The following SFI1 variants were observed in gnomAD, a reference collection of about 807,000 sequenced individuals.
SFI1 encodes the protein SFI1 centrin binding protein, also known as protein SFI1 homolog.
In SFI1, 195 loss-of-function variants were observed where a neutral mutation model predicts 207.5. That is an observed-to-expected ratio of 0.94 (90% CI 0.84 to 1.06). The LOEUF (loss-of-function observed/expected upper bound fraction) is 1.06, where lower values mean the gene tolerates loss of function less well. Among genes scored for constraint, SFI1 ranks in the 50% least tolerant of loss-of-function variants. The pLI is 0.00. For synonymous variants in SFI1, 630 were observed against 598.9 expected, an observed-to-expected ratio of 1.05 and a Z score of -0.76; for missense variants, 1,634 against 1,588.0, an observed-to-expected ratio of 1.03 and a Z score of -0.49.
rs2054991217 is a variant in SFI1, at chr22:31,508,467, AGT to A, written c.92+93_92+94del. The A allele has an allele frequency of 3.2e-6, 3 of 932,452 alleles. No individual in the cohort carries two copies. In the South Asian group the frequency reaches 4.8e-5, roughly 15 times the overall value. The allele number at this position is 932,452 out of a possible 1,614,324, so 57.8% of individuals were successfully genotyped here. A position where few individuals can be genotyped will look rare whatever the true frequency, so the allele number is the denominator to read the frequency against. ...GTGTATGAAAAAATTATAAATTATG[AGT>A]GAGGTAGTAACTGTGGGTAAGTTTT... is the stretch of plus-strand genomic sequence containing the variant. On this transcript the variant is annotated intron_variant, in intron 2 of 32. Coordinates refer to ENST00000400288, the MANE Select transcript of SFI1 (RefSeq NM_001007467.3).
At chr22:31,556,095 A>G (rs1479106114) in intron 6 of SFI1, among the ~76,000 whole-genome samples, 2 of 152,150 alleles carry the variant, frequency 1.3e-5, no homozygotes, top group Admixed American at 6.6e-5. Context: ...TATCTAGTAA[A>G]TTATCTTTTC....
intron 1 of SFI1, among the ~76,000 whole-genome samples, chr22:31,504,681 A>G (rs982295463): frequency 6.6e-6 from 1 of 152,168 alleles, no homozygotes; most frequent in Non-Finnish European, 1.5e-5. Flanking sequence ...TCAAGGTGTC[A>G]TCCTCTCCCT....
At chr22:31,536,333 G>T (rs544739083) in intron 4 of SFI1, among the ~76,000 whole-genome samples, 10 of 152,176 alleles carry the variant, frequency 6.6e-5, no homozygotes, top group Non-Finnish European at 1.0e-4. Context: ...CTGTTGTTAG[G>T]TTCCTCAGAT....
At chr22:31,503,054 CAAA>C (rs58386828) in intron 1 of SFI1, among the ~76,000 whole-genome samples, 2 of 103,132 alleles carry the variant, frequency 1.9e-5, no homozygotes, top group Admixed American at 1.2e-4. Context: ...GACTCTGTCT[CAAA>C]AAAAAAAAAA....
chr22:31,594,671 C>T (rs1371271397), intron 15 of SFI1, among the ~76,000 whole-genome samples: 4 of 150,952 alleles, frequency 2.6e-5, no homozygotes, highest in Admixed American at 6.6e-5. Flanking sequence ...CTGGCTAACA[C>T]GGAGAAACCC....
chr22:31,584,358 A>T (rs1164899062), intron 13 of SFI1, among the ~76,000 whole-genome samples: 1 of 152,222 alleles, frequency 6.6e-6, no homozygotes, highest in East Asian at 1.9e-4. Flanking sequence ...AGAGCTAGTC[A>T]TTCAGTTAAA....
Position 31,546,888 on chromosome 22 carries a change from G to C in SFI1, c.366G>C (p.Arg122=), listed in dbSNP as rs1057089333. 6.2e-7 allele frequency: 1 copy of C among 1,611,792 alleles called. No individual in the cohort carries two copies. Among genetic ancestry groups the C allele is most frequent in the Non-Finnish European group, 8.5e-7 (1 of 1,178,996 alleles). ...TTTACTATGAGCAGCGATTACTACG[G>C]AAGGTCTTCGAAGAATGGAAAGAGG... The part of the protein sequence containing the change: ...ARFYYEQRLL[R]KVFEEWKEEW... The change falls in exon 5 of 33, where the codon CGG becomes CGC. Residue 122 remains arginine (R), a synonymous_variant. Coordinates refer to ENST00000400288, the MANE Select transcript of SFI1 (RefSeq NM_001007467.3).
At chr22:31,524,019 T>G (rs2057596964) in intron 2 of SFI1, among the ~76,000 whole-genome samples, 1 of 150,050 alleles carries the variant, frequency 6.7e-6, no homozygotes, top group Admixed American at 6.7e-5. Context: ...CTGGCCAATA[T>G]GGTGAAACCC....
intron 5 of SFI1, among the ~76,000 whole-genome samples, chr22:31,548,132 A>G (rs926512322): frequency 6.6e-6 from 1 of 151,604 alleles, no homozygotes; most frequent in African/African-American, 2.4e-5. Flanking sequence ...AGGCAGGAGA[A>G]TGGCGTGAAC....
chr22:31,563,151 C>G (rs1431420064), intron 8 of SFI1, among the ~76,000 whole-genome samples: 2 of 151,774 alleles, frequency 1.3e-5, no homozygotes, highest in Non-Finnish European at 2.9e-5. Flanking sequence ...TGCCGCCACG[C>G]CTGGCTAATT....
At chr22:31,614,973 C>G (rs1569469450) in intron 28 of SFI1, 75 bp from the exon 29 acceptor site, 1 of 1,574,642 alleles carries the variant, frequency 6.4e-7, no homozygotes. Context: ...GTGGGTGGCC[C>G]CCTTTCCTTC....
At chr22:31,600,056 C>T (rs950873534) in intron 15 of SFI1, among the ~76,000 whole-genome samples, 3 of 151,528 alleles carry the variant, frequency 2.0e-5, no homozygotes, top group South Asian at 2.1e-4. Flanking sequence ...TTATGTCTAA[C>T]GATTGATTGA....
intron 22 of SFI1, among the ~76,000 whole-genome samples, chr22:31,608,594 G>A (rs1185902923): frequency 3.9e-5 from 6 of 152,122 alleles, no homozygotes; most frequent in Non-Finnish European, 5.9e-5. Context: ...CCAACTGACT[G>A]CCAACCAGTT....
intron 15 of SFI1, among the ~76,000 whole-genome samples, chr22:31,598,695 G>A (rs2067562499): frequency 8.0e-6 from 1 of 124,532 alleles, no homozygotes; most frequent in South Asian, 2.8e-4. Context: ...GGGATTACAG[G>A]CATAAGCCAC....
rs149430990 is a variant in SFI1, at chr22:31,576,670, G to A, written c.1084+1278G>A. ...CTTTTTTTTTTTGAGATGGAGTTTC[G>A]CTCTTGTAGCCCAAGCTGGAGTGCA... On this transcript the variant is annotated intron_variant, in intron 10 of 32. Transcript: ENST00000400288. Among the ~76,000 whole-genome samples the A allele has an allele frequency of 5.4e-3, 781 of 145,090 alleles. 3 individuals carry two copies. Among genetic ancestry groups the A allele is most frequent in the Non-Finnish European group, 9.3e-3 (620 of 66,722 alleles).
intron 2 of SFI1, among the ~76,000 whole-genome samples, chr22:31,527,891 A>T (rs1170510112): frequency 6.6e-6 from 1 of 152,158 alleles, no homozygotes. Flanking sequence ...AGGTGGGTGG[A>T]TAACCTGAGG....
rs776647555 is a variant in SFI1, at chr22:31,564,814, A to ATTTTTTTTTTTTTTT, written c.765+3425_765+3439dup. Among the ~76,000 whole-genome samples the ATTTTTTTTTTTTTTT allele has an allele frequency of 2.7e-5, 3 of 111,956 alleles. 1 individual carries two copies. The highest frequency in any genetic ancestry group is 7.6e-5 in the African/African-American group (2 of 26,322). The allele number at this position is 111,956 out of a possible 152,430, so 73.4% of individuals were successfully genotyped here. A position where few individuals can be genotyped will look rare whatever the true frequency, so the allele number is the denominator to read the frequency against. Reference sequence around the variant, plus strand: ...CATGAGCCACCATGCCTGGCCCAGAATTTTTTTTTTTTTTTTTGAGACGGA... The same window carrying ATTTTTTTTTTTTTTT: ...CATGAGCCACCATGCCTGGCCCAGAATTTTTTTTTTTTTTTTTTTTTTTTTTTTTTTTGAGACGGA... On this transcript the variant is annotated intron_variant, in intron 8 of 32. Coordinates refer to ENST00000400288, the MANE Select transcript of SFI1 (RefSeq NM_001007467.3).
chr22:31,559,837 C>G (rs1314092268), intron 7 of SFI1: 4 of 688,430 alleles, frequency 5.8e-6, no homozygotes, highest in East Asian at 2.9e-5. Context: ...AGATTCAGGC[C>G]CATAGAGGAC....
In SFI1 at chr22:31,618,224, C is replaced by T. The variant is rs1314271227; in HGVS notation, c.3622C>T (p.Gln1208Ter). The T allele has an allele frequency of 6.3e-7, 1 of 1,595,762 alleles. No individual in the cohort carries two copies. Among genetic ancestry groups the T allele is most frequent in the Non-Finnish European group, 8.5e-7 (1 of 1,172,728 alleles). Residue 1208 changes from glutamine (Q) to a stop codon, truncating the protein, a stop_gained and splice_region_variant, in exon 32 of 33, where the codon CAG (glutamine) becomes TAG (stop). Transcript: ENST00000400288. LOFTEE classifies it high-confidence loss of function. ...VEQQVQKELEQVEMQIQLLAE... is the reference protein window; with the variant it reads ...VEQQVQKELE Reference sequence around the variant, plus strand: ...GCAGCAGGTGCAGAAAGAGCTGGAACAGGTGAGGCCCCAGGCCATCCCCAG... The same window carrying T: ...GCAGCAGGTGCAGAAAGAGCTGGAATAGGTGAGGCCCCAGGCCATCCCCAG...
Sources: allele counts gnomAD v4.1 joint callset (sites outside exome capture counted in the v4.1 genomes callset), GRCh38; gene constraint gnomAD v4.1.1; transcripts MANE v1.5; gene names NCBI Gene and HGNC (gene_info 2026-07-23, HGNC 2026-07-21).